Variants in CTDSPL observed in about 807,000 individuals in gnomAD.
The protein encoded by CTDSPL is CTD small phosphatase like, also known as CTD small phosphatase-like protein.
Under a neutral mutation model 30.5 loss-of-function variants are expected in CTDSPL, and 8 were observed. The observed-to-expected ratio is 0.26, with a 90% confidence interval of 0.15 to 0.47. The LOEUF is 0.47. CTDSPL is among the 20% of genes least tolerant of loss of function. The pLI, the probability that CTDSPL is intolerant of heterozygous loss-of-function variation, is 0.99. For missense variants in CTDSPL, 248 were observed against 366.1 expected (o/e 0.68, Z 2.63); for synonymous variants, 110 against 137.9 (o/e 0.80, Z 1.42).
At chr3:37,957,493 C>T (rs1699187818) in intron 3 of CTDSPL, among the ~76,000 whole-genome samples, 1 of 152,168 alleles carries the variant, frequency 6.6e-6, no homozygotes, top group Non-Finnish European at 1.5e-5. Context: ...CATAGATTGG[C>T]GGGAACATTG....
rs1397233265 is a variant in CTDSPL, at chr3:37,982,603, A to T, written c.*1736A>T. On this transcript the variant is annotated 3_prime_UTR_variant, in exon 8 of 8. Transcript: ENST00000273179. ...CTGCCAATTACATCCTCCCAACAGC[A>T]CTTTGGTCTGTGGACTGCTGTGTGA... 1 of 456,622 alleles carries T rather than the reference A, an allele frequency of 2.2e-6. No homozygotes were observed. Among genetic ancestry groups the T allele is most frequent in the African/African-American group, 2.0e-5 (1 of 50,086 alleles). 28.3% of individuals were successfully genotyped at this position (456,622 alleles called of 1,614,324 possible).
intron 1 of CTDSPL, among the ~76,000 whole-genome samples, chr3:37,902,183 A>G (rs73057000): frequency 0.056 from 8,517 of 152,262 alleles, 301 homozygotes; most frequent in African/African-American, 0.1. Context: ...TGCCATCCCT[A>G]AGGAATCAGA....
Position 37,957,122 on chromosome 3 carries a change from G to T in CTDSPL, c.246G>T (p.Arg82Ser). Reference protein sequence around the residue: ...ENGGLQKGDQRQVIPIPSPPA... With the variant: ...ENGGLQKGDQSQVIPIPSPPA... ...TTCTTTTTCCTCAGGGTGACCAGAG[G>T]CAGGTCATTCCCATACCAAGTGTAT... Residue 82 changes from arginine (R) to serine (S), a missense_variant, in exon 3 of 8, where the codon AGG becomes AGT. Around this residue, in one of 4 missense-constraint regions of CTDSPL, gnomAD observed 118 missense variants for 124.7 expected, o/e 0.95. Coordinates refer to ENST00000273179, the MANE Select transcript of CTDSPL (RefSeq NM_001008392.2). 1 of 1,600,288 alleles carries T rather than the reference G, an allele frequency of 6.2e-7. No individual in the cohort carries two copies.
intron 1 of CTDSPL, among the ~76,000 whole-genome samples, chr3:37,887,230 A>G (rs1030692578): frequency 6.6e-6 from 1 of 152,160 alleles, no homozygotes. Context: ...CTTGTGGGAA[A>G]CGCTCCGTTT....
intron 1 of CTDSPL, among the ~76,000 whole-genome samples, chr3:37,925,840 G>GAC (rs143893590): frequency 0.11 from 15,820 of 147,596 alleles, 916 homozygotes; most frequent in African/African-American, 0.16. Flanking sequence ...AGTACACACA[G>GAC]ACACACACAC....
At chr3:37,945,736 G>C (rs1699027745) in intron 1 of CTDSPL, among the ~76,000 whole-genome samples, 1 of 151,620 alleles carries the variant, frequency 6.6e-6, no homozygotes, top group South Asian at 2.1e-4. Flanking sequence ...TAGTAAGTGT[G>C]GATCTTAAAT....
intron 2 of CTDSPL, chr3:37,955,240 C>T (rs983005313): frequency 1.3e-5 from 2 of 152,200 alleles, no homozygotes; most frequent in South Asian, 2.1e-4. Flanking sequence ...CCCAGAATGT[C>T]ACTAGTGCTG....
intron 1 of CTDSPL, among the ~76,000 whole-genome samples, chr3:37,875,878 G>A (rs1698129330): frequency 6.6e-6 from 1 of 152,182 alleles, no homozygotes; most frequent in African/African-American, 2.4e-5. Flanking sequence ...GTAAGCGTTA[G>A]TTTTTATACT....
intron 6 of CTDSPL, among the ~76,000 whole-genome samples, chr3:37,973,502 G>A (rs930616994): frequency 2.6e-5 from 4 of 152,188 alleles, no homozygotes; most frequent in East Asian, 1.9e-4. Flanking sequence ...TTGCTGAGCC[G>A]AATCAGCTCC....
chr3:37,980,687 G>A, intron 7 of CTDSPL, 55 bp from the exon 8 acceptor site: 1 of 1,597,528 alleles, frequency 6.3e-7, no homozygotes, highest in East Asian at 2.3e-5. Flanking sequence ...TAGGTTAGGA[G>A]CAGCCCCCAG....
intron 1 of CTDSPL, among the ~76,000 whole-genome samples, chr3:37,942,362 C>T (rs932813924): frequency 6.6e-6 from 1 of 150,474 alleles, no homozygotes; most frequent in African/African-American, 2.4e-5. Context: ...ATGTATATAG[C>T]CTGGGTGTGG....
intron 1 of CTDSPL, among the ~76,000 whole-genome samples, chr3:37,901,901 AT>A (rs2125601517): frequency 6.6e-6 from 1 of 152,312 alleles, no homozygotes; most frequent in East Asian, 1.9e-4. Context: ...CCAGGCTGAT[AT>A]GGTGACATCA....
Position 37,975,348 on chromosome 3 carries a change from C to G in CTDSPL, c.520-361C>G, listed in dbSNP as rs1477933034. ...TTTCCAGTGGCCACTCTGACAGCTTCTAGGTGAATGGGCTAGAAAGGAGGC... is the reference window on the plus strand; with the variant it reads ...TTTCCAGTGGCCACTCTGACAGCTTGTAGGTGAATGGGCTAGAAAGGAGGC... On this transcript the variant is annotated intron_variant, in intron 6 of 7. Coordinates refer to ENST00000273179, the MANE Select transcript of CTDSPL (RefSeq NM_001008392.2). This position sits in a 1 kb window ranked among gnomAD's most constrained non-coding sequence, Gnocchi z 4.9. 6.6e-6 allele frequency among the ~76,000 whole-genome samples: 1 copy of G among 152,176 alleles called. No homozygotes were observed. The highest frequency in any genetic ancestry group is 1.9e-4 in the East Asian group (1 of 5,196).
intron 7 of CTDSPL, among the ~76,000 whole-genome samples, chr3:37,980,489 A>G (rs113542598): frequency 6.6e-6 from 1 of 152,252 alleles, no homozygotes; most frequent in African/African-American, 2.4e-5. Flanking sequence ...TTTCTGTGGC[A>G]GGAAAACAAA....
intron 1 of CTDSPL, among the ~76,000 whole-genome samples, chr3:37,923,637 A>C (rs1019100546): frequency 6.6e-6 from 1 of 152,220 alleles, no homozygotes; most frequent in Non-Finnish European, 1.5e-5. Context: ...TTTCTTAAAC[A>C]TATCTTATAA....
intron 3 of CTDSPL, among the ~76,000 whole-genome samples, chr3:37,963,460 T>A (rs916637030): frequency 2.0e-5 from 3 of 152,222 alleles, no homozygotes; most frequent in Admixed American, 6.5e-5. Flanking sequence ...CATTTTTTTC[T>A]TGTTTTATTT....
rs77050132 is a variant in CTDSPL, at chr3:37,889,642, A to C, written c.79+27364A>C. On this transcript the variant is annotated intron_variant, in intron 1 of 7. Transcript: ENST00000273179. ...CTGAAGGTCAAGACACTCTATTTTG[A>C]AAGATGTTTTCAATCTAGAGGCCAA... is the stretch of plus-strand genomic sequence containing the variant. 2.3e-3 allele frequency among the ~76,000 whole-genome samples: 355 copies of C among 152,314 alleles called. 3 individuals carry two copies. The highest frequency in any genetic ancestry group is 8.2e-3 in the African/African-American group (343 of 41,582).
Position 37,862,289 on chromosome 3 carries a change from G to A in CTDSPL, c.79+11G>A. 2.0e-6 allele frequency: 3 copies of A among 1,487,280 alleles called. No homozygotes were observed. The highest frequency in any genetic ancestry group is 2.7e-6 in the Non-Finnish European group (3 of 1,121,972). The allele number at this position is 1,487,280 out of a possible 1,614,324, so 92.1% of individuals were successfully genotyped here. On this transcript the variant is annotated intron_variant, in intron 1 of 7. Transcript: ENST00000273179. This position sits in a 1 kb window ranked among gnomAD's most constrained non-coding sequence, Gnocchi z 4.3. ...GCGCGGGCGAGAAAGGTGAGGAGGGGCGCAGGCGGCCGCGGGCTGGGGGCG... is the reference window on the plus strand; with the variant it reads ...GCGCGGGCGAGAAAGGTGAGGAGGGACGCAGGCGGCCGCGGGCTGGGGGCG...
intron 2 of CTDSPL, among the ~76,000 whole-genome samples, chr3:37,953,282 C>T (rs1699130921): frequency 6.6e-6 from 1 of 152,168 alleles, no homozygotes; most frequent in Non-Finnish European, 1.5e-5. Flanking sequence ...CGTGCCTACG[C>T]CCCATCTCTT....
Sources: allele counts gnomAD v4.1 joint callset (sites outside exome capture counted in the v4.1 genomes callset), GRCh38; gene constraint gnomAD v4.1.1; regional missense constraint gnomAD v4.1.1; non-coding constraint Gnocchi (gnomAD v3.1); transcripts MANE v1.5; gene names NCBI Gene and HGNC (gene_info 2026-07-23, HGNC 2026-07-21).